Variants in HIVEP3 observed in about 807,000 individuals in gnomAD.
HIVEP3 encodes HIVEP zinc finger 3, also known as transcription factor HIVEP3.
A neutral mutation model predicts 152.8 loss-of-function variants in HIVEP3; 49 were observed. The ratio of observed to expected loss-of-function variants is 0.32; its 90% CI spans 0.26 to 0.41. The LOEUF is 0.41. HIVEP3 is among the 10% of genes least tolerant of loss of function. The pLI is 1.00. For synonymous variants in HIVEP3, 1,269 were observed against 1,289.0 expected (o/e 0.98, Z 0.33); for missense variants, 2,790 against 3,103.3 (o/e 0.90, Z 2.40).
rs149400128 is a variant in HIVEP3 at position 41,876,932 on chromosome 1, C to T, written c.-801+41481G>A. Among the ~76,000 whole-genome samples the T allele has an allele frequency of 1.0e-3, 156 of 152,266 alleles. 4 individuals carry two copies. In the East Asian group the frequency reaches 0.022, roughly 21 times the overall value. On this transcript the variant is annotated intron_variant, in intron 1 of 8. Coordinates refer to ENST00000372583, the MANE Select transcript of HIVEP3 (RefSeq NM_024503.5). ...AGGAAAACTCAGCACGTTCTACAGACGTGGGTTCAAAGCCCTGCTCTGTCC... is the reference window on the plus strand; with the variant it reads ...AGGAAAACTCAGCACGTTCTACAGATGTGGGTTCAAAGCCCTGCTCTGTCC...
At chr1:41,708,304 C>T (rs1053702757) in intron 1 of HIVEP3, among the ~76,000 whole-genome samples, 16 of 152,174 alleles carry the variant, frequency 1.1e-4, no homozygotes, top group Admixed American at 2.6e-4. Context: ...CATGTGCTAC[C>T]GTGGTGGGCA....
At chr1:41,627,571 C>A (rs190435769) in intron 3 of HIVEP3, among the ~76,000 whole-genome samples, 1 of 152,168 alleles carries the variant, frequency 6.6e-6, no homozygotes, top group African/African-American at 2.4e-5. Context: ...CTAGCCACCC[C>A]GAAGTCCAGG....
chr1:41,864,837 G>T (rs1427257383), intron 1 of HIVEP3, among the ~76,000 whole-genome samples: 2 of 152,220 alleles, frequency 1.3e-5, no homozygotes, highest in Non-Finnish European at 2.9e-5. Flanking sequence ...AATCCAAGGG[G>T]GTTACGCTTC....
intron 1 of HIVEP3, among the ~76,000 whole-genome samples, chr1:41,964,116 G>A (rs1049142234): frequency 2.0e-5 from 3 of 152,218 alleles, no homozygotes; most frequent in African/African-American, 7.2e-5. Context: ...ACTTGTGGAG[G>A]AGGGGCCAAG....
intron 3 of HIVEP3, among the ~76,000 whole-genome samples, chr1:41,619,323 C>G (rs1232584082): frequency 2.6e-5 from 4 of 152,238 alleles, no homozygotes; most frequent in Non-Finnish European, 5.9e-5. Flanking sequence ...CCCGTGCCCC[C>G]TATTCCTTTC....
rs971383953 is a variant in HIVEP3 at position 41,596,280 on chromosome 1, C to T, written c.-521-10962G>A. On this transcript the variant is annotated intron_variant, in intron 3 of 8. Coordinates refer to ENST00000372583, the MANE Select transcript of HIVEP3 (RefSeq NM_024503.5). Reference sequence around the variant, plus strand: ...TGGGTCCCCATGGGGTGGGCAAGGGCGCACTGCTGCTGCTGGGCTGGGCCA... The same window carrying T: ...TGGGTCCCCATGGGGTGGGCAAGGGTGCACTGCTGCTGCTGGGCTGGGCCA... Among the ~76,000 whole-genome samples, 13 of 152,216 alleles carry T rather than the reference C, an allele frequency of 8.5e-5. No homozygotes were observed. In the South Asian group the frequency reaches 1.2e-3, roughly 15 times the overall value.
intron 1 of HIVEP3, among the ~76,000 whole-genome samples, chr1:41,720,584 T>TGTGC (rs10687957): frequency 0.084 from 12,841 of 152,208 alleles, 1,458 homozygotes; most frequent in African/African-American, 0.24. Context: ...TTAGAACACT[T>TGTGC]GTGCACTGCT....
At position 41,510,213 on chromosome 1, in the gene HIVEP3, G is replaced by A; in HGVS notation, c.*238C>T. The A allele has an allele frequency of 2.7e-6, 1 of 376,136 alleles. No homozygotes were observed. The highest frequency in any genetic ancestry group is 4.7e-6 in the Non-Finnish European group (1 of 213,930). 23.3% of individuals were successfully genotyped at this position (376,136 alleles called of 1,614,324 possible). ...ATTCACAGCCTCAGACTCCTCGTGGGTTGTTGTTTTTTTTTTAAATGTATG... is the reference window on the plus strand; with the variant it reads ...ATTCACAGCCTCAGACTCCTCGTGGATTGTTGTTTTTTTTTTAAATGTATG... On this transcript the variant is annotated 3_prime_UTR_variant, in exon 9 of 9. Coordinates refer to ENST00000372583, the MANE Select transcript of HIVEP3 (RefSeq NM_024503.5).
chr1:41,940,869 G>C (rs531199100), intron 1 of HIVEP3, among the ~76,000 whole-genome samples: 1 of 151,674 alleles, frequency 6.6e-6, no homozygotes, highest in African/African-American at 2.4e-5. Flanking sequence ...GAGGACAGGC[G>C]GAAAGGGAAG....
chr1:41,508,092 A>T lies in HIVEP3; in HGVS notation c.*2359T>A, dbSNP rs947532567. ...GGGTAGGCTGTTTGAGTACAGGGAG[A>T]AAAATGCCCAGGAGAGCTGGAAGGC... On this transcript the variant is annotated 3_prime_UTR_variant, in exon 9 of 9. Transcript: ENST00000372583. 1 of 152,230 alleles carries T rather than the reference A, an allele frequency of 6.6e-6. No homozygotes were observed. Among genetic ancestry groups the T allele is most frequent in the Non-Finnish European group, 1.5e-5 (1 of 68,164 alleles). 9.4% of individuals were successfully genotyped at this position (152,230 alleles called of 1,614,324 possible). A position where few individuals can be genotyped will look rare whatever the true frequency, so the allele number is the denominator to read the frequency against.
At chr1:41,690,106 T>C (rs1047628796) in intron 2 of HIVEP3, among the ~76,000 whole-genome samples, 1 of 152,244 alleles carries the variant, frequency 6.6e-6, no homozygotes, top group Admixed American at 6.5e-5. Flanking sequence ...GTGAGGATTG[T>C]TTTGGGTGCT....
chr1:41,558,824 G>A (rs1644009780), intron 5 of HIVEP3, among the ~76,000 whole-genome samples: 1 of 152,168 alleles, frequency 6.6e-6, no homozygotes, highest in Non-Finnish European at 1.5e-5. Context: ...CTGCCAGCTG[G>A]TCACAAGGCC....
chr1:41,888,824 C>G (rs1198063988), intron 1 of HIVEP3, among the ~76,000 whole-genome samples: 1 of 144,108 alleles, frequency 6.9e-6, no homozygotes, highest in African/African-American at 2.6e-5. Context: ...ATACCTCACA[C>G]ATATACCACA....
intron 3 of HIVEP3, among the ~76,000 whole-genome samples, chr1:41,625,713 C>T (rs886194393): frequency 1.3e-5 from 2 of 151,894 alleles, no homozygotes; most frequent in African/African-American, 2.4e-5. Context: ...CTAGCCTGGG[C>T]AACAGAGCAA....
intron 1 of HIVEP3, among the ~76,000 whole-genome samples, chr1:41,720,873 G>T (rs1479738393): frequency 3.9e-5 from 6 of 152,212 alleles, no homozygotes; most frequent in South Asian, 2.1e-4. Flanking sequence ...CCTTAAAAAA[G>T]AAGGAAATCC....
chr1:41,771,945 G>A (rs557786574), intron 1 of HIVEP3, among the ~76,000 whole-genome samples: 4 of 152,242 alleles, frequency 2.6e-5, no homozygotes, highest in South Asian at 2.1e-4. Context: ...GATTACAGGC[G>A]TGAGCCACCG....
intron 1 of HIVEP3, among the ~76,000 whole-genome samples, chr1:41,888,695 C>T (rs979147111): frequency 7.5e-6 from 1 of 133,092 alleles, no homozygotes; most frequent in African/African-American, 2.8e-5. Flanking sequence ...CCAACATACA[C>T]ACCATATACC....
At chr1:41,824,742 AATATATATATAT>A (rs375409601) in intron 1 of HIVEP3, among the ~76,000 whole-genome samples, 8,304 of 74,734 alleles carry the variant, frequency 0.11, 557 homozygotes, top group Non-Finnish European at 0.12. Context: ...TTCCAAGTTA[AATATATATATAT>A]ATATATATAT....
At chr1:42,017,773 A>G (rs1363278397) in intron 1 of HIVEP3, among the ~76,000 whole-genome samples, 1 of 152,092 alleles carries the variant, frequency 6.6e-6, no homozygotes, top group African/African-American at 2.4e-5. Context: ...TTTGTTTGTC[A>G]TATACCTAGG....
Sources: gnomAD v4.1 joint callset for allele counts (sites outside exome capture counted in the v4.1 genomes callset) on GRCh38, gnomAD v4.1.1 for gene constraint, MANE v1.5 for transcripts, NCBI Gene and HGNC (gene_info 2026-07-23, HGNC 2026-07-21) for gene names.